The following NELL1 variants were observed in gnomAD, a reference collection of about 807,000 sequenced individuals.
NELL1 encodes the protein protein kinase C-binding protein NELL1.
NELL1 carries 76 observed loss-of-function variants against 107.4 expected under a neutral mutation model. The observed-to-expected ratio is 0.71, with a 90% CI of 0.59 to 0.86. NELL1 has a LOEUF of 0.86. Among genes scored for constraint, NELL1 ranks in the 40% least tolerant of loss-of-function variants. NELL1 has a pLI of 0.00. For synonymous variants in NELL1, 353 were observed against 341.2 expected, an observed-to-expected ratio of 1.03 and a Z score of -0.38; for missense variants, 1,024 against 1,005.5, an observed-to-expected ratio of 1.02 and a Z score of -0.25.
At chr11:20,871,457 A>G (rs1169730434) in intron 4 of NELL1, among the ~76,000 whole-genome samples, 1 of 152,212 alleles carries the variant, frequency 6.6e-6, no homozygotes, top group Non-Finnish European at 1.5e-5. Flanking sequence ...GTGTCTGCCT[A>G]TATATTATCT....
At chr11:21,389,196 A>G (rs1851813207) in intron 15 of NELL1, among the ~76,000 whole-genome samples, 1 of 151,808 alleles carries the variant, frequency 6.6e-6, no homozygotes, top group Non-Finnish European at 1.5e-5. Context: ...TCTCTCTTAT[A>G]GGTGAGGAAA....
chr11:21,378,209 C>T (rs927236193), intron 15 of NELL1, among the ~76,000 whole-genome samples: 1 of 150,904 alleles, frequency 6.6e-6, no homozygotes, highest in African/African-American at 2.4e-5. Context: ...CCATTAAGAA[C>T]TCGTGGTCTA....
At chr11:20,782,518 C>T (rs1856871540) in intron 2 of NELL1, among the ~76,000 whole-genome samples, 1 of 152,176 alleles carries the variant, frequency 6.6e-6, no homozygotes, top group Non-Finnish European at 1.5e-5. Context: ...GATGAGGGGA[C>T]TGAGGCCCGA....
intron 14 of NELL1, among the ~76,000 whole-genome samples, chr11:21,350,626 C>T (rs1002243007): frequency 6.6e-6 from 1 of 152,092 alleles, no homozygotes; most frequent in African/African-American, 2.4e-5. Flanking sequence ...TTTAAGTTTA[C>T]TCTGGGATTT....
chr11:20,800,642 A>C lies in NELL1; in HGVS notation c.335+16812A>C, dbSNP rs1220552039. The stretch of plus-strand genomic sequence containing the variant: ...TTGTGAATATTTTCTCCTGTTTTGT[A>C]GGCTGTCTTGCCAATAATAGCCTCT... On this transcript the variant is annotated intron_variant, in intron 3 of 19. Transcript: ENST00000357134. Among the ~76,000 whole-genome samples, 9 of 152,306 alleles carry C rather than the reference A, an allele frequency of 5.9e-5. 1 individual carries two copies. In the South Asian group the frequency reaches 8.3e-4, roughly 14 times the overall value.
At chr11:20,943,887 A>C (rs1850909359) in intron 10 of NELL1, among the ~76,000 whole-genome samples, 2 of 152,190 alleles carry the variant, frequency 1.3e-5, no homozygotes, top group African/African-American at 4.8e-5. Context: ...AGAATATCAG[A>C]TTGGTCAGGC....
chr11:21,444,743 A>T (rs911598164), intron 15 of NELL1, among the ~76,000 whole-genome samples: 2 of 152,038 alleles, frequency 1.3e-5, no homozygotes, highest in Non-Finnish European at 2.9e-5. Context: ...ATCCAATTAT[A>T]CTCTTCTAGT....
In NELL1 at chr11:21,308,204, T is replaced by A. The variant is rs115342768; in HGVS notation, c.1550-62649T>A. On this transcript the variant is annotated intron_variant, in intron 14 of 19. Coordinates refer to ENST00000357134, the MANE Select transcript of NELL1 (RefSeq NM_006157.5). ...TGTGAACCTTAAGAGAGATAATGTA[T>A]GCGAAGGAGGCTATAGTGTATCATA... 5.7e-3 allele frequency among the ~76,000 whole-genome samples: 870 copies of A among 152,146 alleles called. 5 individuals carry two copies. The highest frequency in any genetic ancestry group is 0.019 in the African/African-American group (802 of 41,548).
At position 20,707,346 on chromosome 11, in the gene NELL1, G is replaced by A. The variant is rs556417165; in HGVS notation, c.184+29286G>A. Reference sequence around the variant, plus strand: ...TCAGAGAAGTTTGTTATTACCAATCGTCTGAAGTCTTCTTCCCTCAACTCG... The same window carrying A: ...TCAGAGAAGTTTGTTATTACCAATCATCTGAAGTCTTCTTCCCTCAACTCG... On this transcript the variant is annotated intron_variant, in intron 2 of 19. Coordinates refer to ENST00000357134, the MANE Select transcript of NELL1 (RefSeq NM_006157.5). Among the ~76,000 whole-genome samples the A allele has an allele frequency of 1.9e-4, 27 of 145,412 alleles. No individual in the cohort carries two copies. In the South Asian group the frequency reaches 1.9e-3, roughly 10 times the overall value.
intron 15 of NELL1, among the ~76,000 whole-genome samples, chr11:21,533,773 T>C (rs1021987182): frequency 3.3e-5 from 5 of 152,162 alleles, no homozygotes; most frequent in African/African-American, 1.2e-4. Flanking sequence ...GTTCCCAAAC[T>C]GTGTTCCCCA....
At chr11:21,363,285 C>G (rs1269814911) in intron 14 of NELL1, among the ~76,000 whole-genome samples, 1 of 152,170 alleles carries the variant, frequency 6.6e-6, no homozygotes, top group Non-Finnish European at 1.5e-5. Flanking sequence ...CAAGGTACTT[C>G]CTGTGCTACT....
Position 20,786,983 on chromosome 11 carries a change from A to G in NELL1, c.335+3153A>G, listed in dbSNP as rs187146271. ...AGATGGCGCCACTGCACTCCAGCCT[A>G]GGCGAAAGAGCGAGACTCCGTCTCA... On this transcript the variant is annotated intron_variant, in intron 3 of 19. Coordinates refer to ENST00000357134, the MANE Select transcript of NELL1 (RefSeq NM_006157.5). Among the ~76,000 whole-genome samples, 743 of 116,972 alleles carry G rather than the reference A, an allele frequency of 6.4e-3. 5 individuals carry two copies. Among genetic ancestry groups the G allele is most frequent in the Middle Eastern group, 0.036 (6 of 168 alleles). The allele number at this position is 116,972 out of a possible 152,430, so 76.7% of individuals were successfully genotyped here.
intron 14 of NELL1, among the ~76,000 whole-genome samples, chr11:21,268,787 C>T (rs1036405679): frequency 2.6e-5 from 4 of 152,098 alleles, no homozygotes; most frequent in African/African-American, 7.2e-5. Context: ...GGAGAAAGCA[C>T]AGTTTTAAAA....
chr11:21,401,146 G>T (rs766120443), intron 15 of NELL1, among the ~76,000 whole-genome samples: 1 of 151,762 alleles, frequency 6.6e-6, no homozygotes, highest in Non-Finnish European at 1.5e-5. Context: ...GAAATACCAC[G>T]TGCTATAAAA....
At chr11:21,124,548 A>G (rs936078299) in intron 13 of NELL1, among the ~76,000 whole-genome samples, 1 of 152,092 alleles carries the variant, frequency 6.6e-6, no homozygotes, top group Non-Finnish European at 1.5e-5. Flanking sequence ...TAAGAATTTC[A>G]AGATCAAGGT....
chr11:20,814,562 T>C (rs1857581633), intron 3 of NELL1, among the ~76,000 whole-genome samples: 1 of 152,254 alleles, frequency 6.6e-6, no homozygotes, highest in Non-Finnish European at 1.5e-5. Flanking sequence ...TGGTTTTCTA[T>C]TCTTGTGTTA....
chr11:21,278,014 G>A lies in NELL1; in HGVS notation c.1549+48560G>A, dbSNP rs189471020. On this transcript the variant is annotated intron_variant, in intron 14 of 19. Coordinates refer to ENST00000357134, the MANE Select transcript of NELL1 (RefSeq NM_006157.5). ...GTATGCATATGTAACTAACCTGCAC[G>A]TTGTGCACATGTACCCTAAAACTTG... is the stretch of plus-strand genomic sequence containing the variant. Among the ~76,000 whole-genome samples, 29 of 151,356 alleles carry A rather than the reference G, an allele frequency of 1.9e-4. No homozygotes were observed. The East Asian group carries it at 3.5e-3, about 18-fold the overall frequency.
intron 1 of NELL1, among the ~76,000 whole-genome samples, chr11:20,673,662 T>C (rs1590195364): frequency 6.6e-6 from 1 of 152,296 alleles, no homozygotes; most frequent in East Asian, 1.9e-4. Flanking sequence ...CTCTGTGACA[T>C]TGACATGCTG....
intron 15 of NELL1, among the ~76,000 whole-genome samples, chr11:21,523,721 G>C (rs770920369): frequency 1.2e-4 from 18 of 152,042 alleles, no homozygotes; most frequent in Non-Finnish European, 1.9e-4. Flanking sequence ...AAACCAGGTA[G>C]TTAACTAGGC....
Sources: gnomAD v4.1 joint callset for allele counts (sites outside exome capture counted in the v4.1 genomes callset) on GRCh38, gnomAD v4.1.1 for gene constraint, MANE v1.5 for transcripts, NCBI Gene and HGNC (gene_info 2026-07-23, HGNC 2026-07-21) for gene names.